EPB41L4B: variants seen among roughly 807,000 people sequenced by gnomAD.
EPB41L4B encodes the protein band 4.1-like protein 4B.
A neutral mutation model predicts 112.5 loss-of-function variants in EPB41L4B; 30 were observed. The observed-to-expected ratio is 0.27, with a 90% CI of 0.20 to 0.36. The LOEUF is 0.36. EPB41L4B is among the 10% of genes least tolerant of loss of function. The pLI, the probability that EPB41L4B is intolerant of heterozygous loss-of-function variation, is 1.00. For missense variants in EPB41L4B, 1,024 were observed against 1,133.3 expected (o/e 0.90, Z 1.38); for synonymous variants, 408 against 439.7 (o/e 0.93, Z 0.90).
In EPB41L4B at chr9:109,264,993, T is replaced by G. The variant is rs1480435717; in HGVS notation, c.565A>C (p.Ile189Leu). 1 of 1,608,252 alleles carries G rather than the reference T, an allele frequency of 6.2e-7. No homozygotes were observed. Among genetic ancestry groups the G allele is most frequent in the African/African-American group, 1.3e-5 (1 of 74,680 alleles). The change falls in exon 5 of 26, where the codon ATT becomes CTT. Residue 189 changes from isoleucine to leucine, a missense_variant. By Grantham distance (5) the Ile-to-Leu change is conservative (BLOSUM62 2). Transcript: ENST00000374566. ...AAACATACTTACTTTCCAGAAAGAA[T>G]GTCATGCCTGAGTTGTAAAACAAAC... ...YLFVLQLRHD[I>L]LSGKLKCPYE...
chr9:109,190,591 T>A (rs1007823105), intron 22 of EPB41L4B, among the ~76,000 whole-genome samples: 2 of 152,210 alleles, frequency 1.3e-5, no homozygotes, highest in African/African-American at 4.8e-5. Context: ...CAGCCCAGAC[T>A]GAGACCAGGG....
intron 22 of EPB41L4B, among the ~76,000 whole-genome samples, chr9:109,190,109 C>T (rs777514177): frequency 2.6e-5 from 4 of 152,080 alleles, no homozygotes; most frequent in African/African-American, 7.2e-5. Context: ...CTAGGTTACG[C>T]TGGTTCTGAT....
At chr9:109,231,982 A>T (rs985349957) in intron 15 of EPB41L4B, among the ~76,000 whole-genome samples, 1 of 151,076 alleles carries the variant, frequency 6.6e-6, no homozygotes, top group Non-Finnish European at 1.5e-5. Flanking sequence ...AATAAGCTAG[A>T]CTTTCCATTC....
At chr9:109,202,796 C>T (rs1832878754) in intron 19 of EPB41L4B, among the ~76,000 whole-genome samples, 1 of 152,116 alleles carries the variant, frequency 6.6e-6, no homozygotes, top group South Asian at 2.1e-4. Context: ...TTCTAAAAGC[C>T]CTGACTTCAC....
At chr9:109,314,573 T>A (rs1837556153) in intron 1 of EPB41L4B, among the ~76,000 whole-genome samples, 1 of 145,476 alleles carries the variant, frequency 6.9e-6, no homozygotes, top group Non-Finnish European at 1.5e-5. Flanking sequence ...AGAAGGGGAG[T>A]TAGTGCTCTT....
chr9:109,239,269 TG>T (rs545806904), intron 15 of EPB41L4B, among the ~76,000 whole-genome samples: 1 of 152,156 alleles, frequency 6.6e-6, no homozygotes, highest in Non-Finnish European at 1.5e-5. Flanking sequence ...GAGTTGTAGA[TG>T]ATGTATACAT....
intron 13 of EPB41L4B, among the ~76,000 whole-genome samples, chr9:109,249,950 T>C (rs1206547204): frequency 6.6e-6 from 1 of 152,058 alleles, no homozygotes; most frequent in Non-Finnish European, 1.5e-5. Context: ...TTTCCAGCTG[T>C]GTAATATGAG....
At chr9:109,192,936 A>G (rs1397463562) in intron 21 of EPB41L4B, among the ~76,000 whole-genome samples, 1 of 152,112 alleles carries the variant, frequency 6.6e-6, no homozygotes, top group Non-Finnish European at 1.5e-5. Flanking sequence ...CAGGAGAGGG[A>G]GCCCTGTGGC....
chr9:109,316,301 G>A (rs996370282), intron 1 of EPB41L4B, among the ~76,000 whole-genome samples: 13 of 152,224 alleles, frequency 8.5e-5, no homozygotes, highest in African/African-American at 2.9e-4. Flanking sequence ...AAAGCATGGC[G>A]GGAGTGCTAA....
chr9:109,273,017 T>C (rs763133043), intron 2 of EPB41L4B, among the ~76,000 whole-genome samples: 1 of 152,094 alleles, frequency 6.6e-6, no homozygotes, highest in Non-Finnish European at 1.5e-5. Context: ...AAGTGCCTTC[T>C]CTGCCTGTGG....
chr9:109,202,177 G>A (rs1304782395), intron 19 of EPB41L4B, among the ~76,000 whole-genome samples: 1 of 152,166 alleles, frequency 6.6e-6, no homozygotes, highest in Non-Finnish European at 1.5e-5. Flanking sequence ...ACTAAGAATG[G>A]AATCCAGGTG....
intron 1 of EPB41L4B, among the ~76,000 whole-genome samples, chr9:109,315,011 C>T (rs976282285): frequency 2.6e-5 from 4 of 152,246 alleles, no homozygotes; most frequent in South Asian, 2.1e-4. Flanking sequence ...ACCGTTGCCC[C>T]CTTCTCCTAG....
rs371227056 is a variant in EPB41L4B, at chr9:109,314,634, AC to A, written c.306+5506del. 2.4e-3 allele frequency among the ~76,000 whole-genome samples: 320 copies of A among 131,402 alleles called. 1 individual carries two copies. Among genetic ancestry groups the A allele is most frequent in the African/African-American group, 9.1e-3 (265 of 29,234 alleles). The allele number at this position is 131,402 out of a possible 152,430, so 86.2% of individuals were successfully genotyped here. A position where few individuals can be genotyped will look rare whatever the true frequency, so the allele number is the denominator to read the frequency against. ...GAAGGGTGTTCATTACCCCTCTCTC[AC>A]CCCCCCCCACCTCAGCCTTTCTTTT... On this transcript the variant is annotated intron_variant, in intron 1 of 25. Coordinates refer to ENST00000374566, the MANE Select transcript of EPB41L4B (RefSeq NM_019114.5).
At chr9:109,249,999 G>C (rs1834721215) in intron 13 of EPB41L4B, among the ~76,000 whole-genome samples, 3 of 152,186 alleles carry the variant, frequency 2.0e-5, no homozygotes, top group South Asian at 4.1e-4. Flanking sequence ...GTTCCTTGAA[G>C]GTGCCCTGGA....
At chr9:109,303,527 GT>G (rs1235884221) in intron 1 of EPB41L4B, among the ~76,000 whole-genome samples, 7 of 151,640 alleles carry the variant, frequency 4.6e-5, no homozygotes, top group Admixed American at 3.3e-4. Flanking sequence ...TTTTGTTTTT[GT>G]TTTTTGTAGA....
intron 15 of EPB41L4B, chr9:109,241,114 G>A: frequency 1.0e-6 from 1 of 985,714 alleles, no homozygotes; most frequent in Non-Finnish European, 1.2e-6. Context: ...TTGAATGTAT[G>A]TCCTCAACCT....
At chr9:109,187,265 T>G (rs1255536229) in intron 22 of EPB41L4B, among the ~76,000 whole-genome samples, 1 of 152,170 alleles carries the variant, frequency 6.6e-6, no homozygotes. Flanking sequence ...CAGCCTCTTT[T>G]CCGTCTCCAA....
intron 1 of EPB41L4B, among the ~76,000 whole-genome samples, chr9:109,294,681 T>C (rs1350993750): frequency 7.8e-6 from 1 of 128,420 alleles, no homozygotes; most frequent in Non-Finnish European, 1.8e-5. Flanking sequence ...GCTGTGTGTG[T>C]GTGTGTGTGT....
intron 22 of EPB41L4B, among the ~76,000 whole-genome samples, chr9:109,190,087 T>A (rs1420605600): frequency 6.6e-6 from 1 of 152,100 alleles, no homozygotes; most frequent in Non-Finnish European, 1.5e-5. Context: ...AGGCACATAC[T>A]ACCACGCTCG....
Sources: allele counts gnomAD v4.1 joint callset (sites outside exome capture counted in the v4.1 genomes callset), GRCh38; gene constraint gnomAD v4.1.1; transcripts MANE v1.5; gene names NCBI Gene and HGNC (gene_info 2026-07-23, HGNC 2026-07-21).